BRINP3: variants seen among roughly 807,000 people sequenced by gnomAD.
The protein encoded by BRINP3 is BMP/retinoic acid inducible neural specific 3, also known as BMP/retinoic acid-inducible neural-specific protein 3.
A neutral mutation model predicts 71.0 loss-of-function variants in BRINP3; 19 were observed. The observed-to-expected ratio is 0.27, with a 90% CI of 0.19 to 0.39. The LOEUF is 0.39. Among genes scored for constraint, BRINP3 ranks in the 10% least tolerant of loss-of-function variants. The pLI, the probability that BRINP3 is intolerant of heterozygous loss-of-function variation, is 1.00. For synonymous variants in BRINP3, 380 were observed against 337.7 expected (o/e 1.13, Z -1.37); for missense variants, 959 against 940.8 (o/e 1.02, Z -0.25).
At position 190,108,716 on chromosome 1, in the gene BRINP3, T is replaced by C. The variant is rs975420223; in HGVS notation, c.1185-9582A>G. The stretch of plus-strand genomic sequence containing the variant: ...TACATAGAAAACAAATATTTAATCC[T>C]TGGTTTTCCAGACAAAGTTACAAAA... On this transcript the variant is annotated intron_variant, in intron 7 of 7. Transcript: ENST00000367462. Among the ~76,000 whole-genome samples, 6 of 150,590 alleles carry C rather than the reference T, an allele frequency of 4.0e-5. No individual in the cohort carries two copies. The South Asian group carries it at 6.3e-4, about 16-fold the overall frequency.
chr1:190,467,086 G>A (rs563099758), intron 1 of BRINP3, among the ~76,000 whole-genome samples: 12 of 151,414 alleles, frequency 7.9e-5, no homozygotes, highest in African/African-American at 2.9e-4. Flanking sequence ...ACCCTACATA[G>A]AAAATGCATT....
chr1:190,283,574 C>T (rs1343253587), intron 2 of BRINP3, among the ~76,000 whole-genome samples: 1 of 150,582 alleles, frequency 6.6e-6, no homozygotes, highest in Non-Finnish European at 1.5e-5. Flanking sequence ...ATGTTAGTCA[C>T]TTCTACAATA....
chr1:190,222,184 A>G (rs1050396705), intron 6 of BRINP3, among the ~76,000 whole-genome samples: 4 of 152,002 alleles, frequency 2.6e-5, no homozygotes, highest in African/African-American at 9.7e-5. Context: ...AAAAGTCTGA[A>G]TAAATTAAAA....
At chr1:190,110,075 T>C (rs1331927671) in intron 7 of BRINP3, among the ~76,000 whole-genome samples, 1 of 152,216 alleles carries the variant, frequency 6.6e-6, no homozygotes, top group African/African-American at 2.4e-5. Flanking sequence ...CCCTGACTAA[T>C]ACAATAAAGA....
At chr1:190,260,427 A>G (rs954567994) in intron 4 of BRINP3, among the ~76,000 whole-genome samples, 1 of 152,138 alleles carries the variant, frequency 6.6e-6, no homozygotes, top group Non-Finnish European at 1.5e-5. Context: ...AAATATATAC[A>G]ATCAAAAAGA....
At chr1:190,308,799 G>A (rs1171176279) in intron 2 of BRINP3, among the ~76,000 whole-genome samples, 1 of 151,892 alleles carries the variant, frequency 6.6e-6, no homozygotes, top group Non-Finnish European at 1.5e-5. Context: ...ATTGCCATAT[G>A]TTAAAATGTA....
intron 2 of BRINP3, among the ~76,000 whole-genome samples, chr1:190,283,199 A>G (rs1333047093): frequency 6.6e-6 from 1 of 151,960 alleles, no homozygotes; most frequent in Non-Finnish European, 1.5e-5. Context: ...AATTCTTGCT[A>G]TCTCCTGTAA....
intron 1 of BRINP3, among the ~76,000 whole-genome samples, chr1:190,473,414 C>T (rs1208219377): frequency 6.6e-6 from 1 of 151,710 alleles, no homozygotes; most frequent in Non-Finnish European, 1.5e-5. Context: ...GATCAGGGAT[C>T]TACATCAATA....
At chr1:190,285,269 C>T (rs1272296883) in intron 2 of BRINP3, among the ~76,000 whole-genome samples, 1 of 152,040 alleles carries the variant, frequency 6.6e-6, no homozygotes, top group Non-Finnish European at 1.5e-5. Context: ...TTCCCGAATA[C>T]AAGATAAGAC....
chr1:190,400,425 G>C (rs1158735903), intron 2 of BRINP3, among the ~76,000 whole-genome samples: 1 of 152,268 alleles, frequency 6.6e-6, no homozygotes, highest in Non-Finnish European at 1.5e-5. Flanking sequence ...AAGAAAAAAA[G>C]TTACTGGGTG....
intron 2 of BRINP3, among the ~76,000 whole-genome samples, chr1:190,410,136 T>C (rs1000355768): frequency 2.0e-5 from 3 of 152,000 alleles, no homozygotes; most frequent in African/African-American, 7.3e-5. Flanking sequence ...AGATTAAAGA[T>C]GTAAGAAATG....
At chr1:190,397,726 T>C (rs1008433765) in intron 2 of BRINP3, among the ~76,000 whole-genome samples, 7 of 151,958 alleles carry the variant, frequency 4.6e-5, no homozygotes, top group Non-Finnish European at 1.0e-4. Context: ...ATTAAGGGCA[T>C]ATTTGATTAT....
intron 6 of BRINP3, among the ~76,000 whole-genome samples, chr1:190,175,579 A>G (rs1324428123): frequency 6.6e-6 from 1 of 152,150 alleles, no homozygotes; most frequent in Non-Finnish European, 1.5e-5. Context: ...TTCTCTGTAC[A>G]AGCATAAACA....
chr1:190,381,192 T>C (rs891409210), intron 2 of BRINP3, among the ~76,000 whole-genome samples: 2 of 152,176 alleles, frequency 1.3e-5, no homozygotes, highest in African/African-American at 2.4e-5. Context: ...TTTTCTTAAA[T>C]TGTTTTTTAA....
intron 2 of BRINP3, among the ~76,000 whole-genome samples, chr1:190,347,365 C>A (rs1668090934): frequency 6.6e-6 from 1 of 152,126 alleles, no homozygotes. Context: ...TGGTCTCAAT[C>A]TCCTGACCTC....
At chr1:190,345,308 T>TA (rs576267941) in intron 2 of BRINP3, among the ~76,000 whole-genome samples, 8 of 151,486 alleles carry the variant, frequency 5.3e-5, no homozygotes, top group Non-Finnish European at 1.0e-4. Context: ...TACTTAAAAT[T>TA]AAAAAAAATT....
At chr1:190,305,926 AAT>A (rs1665064368) in intron 2 of BRINP3, among the ~76,000 whole-genome samples, 2 of 151,838 alleles carry the variant, frequency 1.3e-5, no homozygotes, top group South Asian at 4.1e-4. Context: ...ATTATGTGTT[AAT>A]CATAAATTAA....
At chr1:190,342,818 G>A (rs969720185) in intron 2 of BRINP3, 2 of 151,716 alleles carry the variant, frequency 1.3e-5, no homozygotes, top group African/African-American at 4.8e-5. Context: ...GGAAAAAAAT[G>A]AATAAATATA....
intron 2 of BRINP3, among the ~76,000 whole-genome samples, chr1:190,364,587 G>T (rs1035669241): frequency 6.6e-6 from 1 of 151,276 alleles, no homozygotes; most frequent in African/African-American, 2.4e-5. Flanking sequence ...CAGTTATAAT[G>T]GTAAATTATA....
Sources: allele counts gnomAD v4.1 joint callset (sites outside exome capture counted in the v4.1 genomes callset), GRCh38; gene constraint gnomAD v4.1.1; transcripts MANE v1.5; gene names NCBI Gene and HGNC (gene_info 2026-07-23, HGNC 2026-07-21).